TTC6: variants seen among roughly 807,000 people sequenced by gnomAD.
The protein encoded by TTC6 is tetratricopeptide repeat protein 6.
A neutral mutation model predicts 210.4 loss-of-function variants in TTC6; 172 were observed. That is an observed-to-expected ratio of 0.82 (90% confidence interval 0.72 to 0.93). The LOEUF (loss-of-function observed/expected upper bound fraction) is 0.93, where lower values mean the gene tolerates loss of function less well. Among genes scored for constraint, TTC6 ranks in the 40% least tolerant of loss-of-function variants. The pLI is 0.00. For missense variants in TTC6, 2,414 were observed against 2,318.1 expected (o/e 1.04, Z -0.85); for synonymous variants, 804 against 819.6 (o/e 0.98, Z 0.32).
At chr14:37,616,668 GC>G (rs1299473190) in intron 2 of TTC6, among the ~76,000 whole-genome samples, 2 of 149,630 alleles carry the variant, frequency 1.3e-5, no homozygotes. Context: ...CTGCACTCCA[GC>G]CTGGGCGACA....
intron 27 of TTC6, 68 bp from the exon 30 acceptor site, chr14:37,826,127 T>G (rs1210214881): frequency 6.8e-7 from 1 of 1,463,782 alleles, no homozygotes; most frequent in Non-Finnish European, 9.2e-7. Flanking sequence ...TTTGATGGAG[T>G]CAGAATCATA....
At chr14:37,661,451 G>A (rs2095737203) in intron 1 of TTC6, among the ~76,000 whole-genome samples, 1 of 152,102 alleles carries the variant, frequency 6.6e-6, no homozygotes, top group Admixed American at 6.6e-5. Flanking sequence ...GCTTGTTTTT[G>A]TAAGGTTTGT....
At chr14:37,718,035 C>T (rs1251392427) in intron 6 of TTC6, among the ~76,000 whole-genome samples, 1 of 152,214 alleles carries the variant, frequency 6.6e-6, no homozygotes, top group Admixed American at 6.5e-5. Flanking sequence ...CGATCTTGGA[C>T]TTCTTTCCAG....
chr14:37,677,499 A>AT (rs975821425), intron 1 of TTC6, among the ~76,000 whole-genome samples: 8 of 151,954 alleles, frequency 5.3e-5, no homozygotes, highest in African/African-American at 1.4e-4. Flanking sequence ...AAATAAAGAG[A>AT]TTTTTTATAA....
At chr14:37,656,729 G>C (rs1183512691) in intron 1 of TTC6, among the ~76,000 whole-genome samples, 1 of 152,094 alleles carries the variant, frequency 6.6e-6, no homozygotes, top group African/African-American at 2.4e-5. Context: ...TAGAAGGTGA[G>C]AGAAAGGAGA....
chr14:37,672,821 A>ATTTTTTTTTTTTTTTTTTTTTTTTTTT (rs377117749), intron 1 of TTC6, among the ~76,000 whole-genome samples: 26 of 128,980 alleles, frequency 2.0e-4, no homozygotes, highest in African/African-American at 5.9e-4. Flanking sequence ...TGAATTCCTC[A>ATTTTTTTTTTTTTTTTTTTTTTTTTTT]TTTTTTTTTT....
At chr14:37,622,374 G>C (rs1381933550) in exon 1 of TTC6, 1 of 1,531,756 alleles carries the variant, frequency 6.5e-7, no homozygotes, top group Non-Finnish European at 8.7e-7. Context: ...CTCGGGCCTG[G>C]GTGAGGCGGC....
At chr14:37,728,425 A>T (rs2415409) in intron 7 of TTC6, among the ~76,000 whole-genome samples, 135,540 of 148,934 alleles carry the variant, frequency 0.91, 61,681 homozygotes, top group East Asian at 1. Flanking sequence ...ACCAAAAAAA[A>T]AAAAAAAAAA....
chr14:37,842,382 A>C, exon 31 of TTC6: 7 of 1,205,360 alleles, frequency 5.8e-6, no homozygotes, highest in Non-Finnish European at 7.6e-6. Context: ...TACCATTTTC[A>C]TTATTGTATT....
intron 5 of TTC6, among the ~76,000 whole-genome samples, chr14:37,706,865 G>C (rs1378271067): frequency 1.3e-5 from 2 of 151,890 alleles, no homozygotes; most frequent in Non-Finnish European, 2.9e-5. Flanking sequence ...CTTGTAGATT[G>C]CATAGACTTA....
chr14:37,841,354 G>A, intron 29 of TTC6, 91 bp from the exon 32 acceptor site: 1 of 1,066,112 alleles, frequency 9.4e-7, no homozygotes, highest in African/African-American at 1.6e-5. Flanking sequence ...GTATGCCACT[G>A]GCCTTAATTT....
Position 37,751,453 on chromosome 14 carries a change from G to A in TTC6, c.3129+228G>A, listed in dbSNP as rs140650218. On this transcript the variant is annotated intron_variant, in intron 13 of 30. Transcript: ENST00000553443. ...ATGAATTTACATCAGAATTGAGTGT[G>A]GAGGCATTGAGATAACATGTAGGGG... Among the ~76,000 whole-genome samples, 1,318 of 152,218 alleles carry A rather than the reference G, an allele frequency of 8.7e-3. 28 individuals carry two copies. The highest frequency in any genetic ancestry group is 0.03 in the African/African-American group (1,252 of 41,522).
At chr14:37,607,006 T>C (rs1008150904) in intron 2 of TTC6, among the ~76,000 whole-genome samples, 8 of 152,238 alleles carry the variant, frequency 5.3e-5, no homozygotes, top group Non-Finnish European at 1.2e-4. Context: ...ATATTGATAG[T>C]ATCAAGTTTT....
chr14:37,842,376 A>G (rs1164212273), exon 31 of TTC6: 3 of 1,245,524 alleles, frequency 2.4e-6, no homozygotes, highest in East Asian at 5.5e-5. Context: ...AGGTTCTACC[A>G]TTTTCATTAT....
chr14:37,819,391 C>A (rs1467600565), intron 26 of TTC6, among the ~76,000 whole-genome samples: 1 of 152,040 alleles, frequency 6.6e-6, no homozygotes, highest in South Asian at 2.1e-4. Flanking sequence ...AGGAAAAATT[C>A]TTTAAATAAA....
chr14:37,809,460 G>A (rs1334868002), intron 24 of TTC6, among the ~76,000 whole-genome samples: 1 of 152,086 alleles, frequency 6.6e-6, no homozygotes, highest in South Asian at 2.1e-4. Flanking sequence ...CACCATGTTA[G>A]CCAGAATGGT....
chr14:37,620,025 T>G (rs2095648788), upstream of TTC6, among the ~76,000 whole-genome samples: 1 of 152,208 alleles, frequency 6.6e-6, no homozygotes, highest in Non-Finnish European at 1.5e-5. Flanking sequence ...TTTAATCACC[T>G]AGTTTCAGTA....
intron 5 of TTC6, among the ~76,000 whole-genome samples, chr14:37,711,162 G>A (rs1213891801): frequency 6.6e-6 from 1 of 152,066 alleles, no homozygotes; most frequent in African/African-American, 2.4e-5. Flanking sequence ...TGCTTCCCAG[G>A]GCAGAGTCTG....
intron 2 of TTC6, among the ~76,000 whole-genome samples, chr14:37,681,858 C>T (rs1027556028): frequency 4.6e-5 from 7 of 152,130 alleles, no homozygotes; most frequent in Admixed American, 3.9e-4. Flanking sequence ...AAAGATATAT[C>T]CCTTGTAAAG....
Sources: gnomAD v4.1 joint callset for allele counts (sites outside exome capture counted in the v4.1 genomes callset) on GRCh38, gnomAD v4.1.1 for gene constraint, MANE v1.5 for transcripts, NCBI Gene and HGNC (gene_info 2026-07-23, HGNC 2026-07-21) for gene names.